Variants in TENM3 observed in about 807,000 individuals in gnomAD.
TENM3 encodes the protein teneurin transmembrane protein 3.
TENM3 carries 63 observed loss-of-function variants against 255.1 expected under a neutral mutation model. That is an observed-to-expected ratio of 0.25 (90% CI 0.20 to 0.30). The LOEUF is 0.30. Among genes scored for constraint, TENM3 ranks in the 10% least tolerant of loss-of-function variants. The probability of loss-of-function intolerance (pLI) is 1.00; values close to 1 mark genes in which losing one functional copy is unlikely to be tolerated. For synonymous variants in TENM3, 1,306 were observed against 1,322.3 expected (o/e 0.99, Z 0.27); for missense variants, 2,929 against 3,461.1 (o/e 0.85, Z 3.86).
chr4:182,102,012 G>A, the TENM3 span, among the ~76,000 whole-genome samples: 1 of 152,162 alleles, frequency 6.6e-6, no homozygotes, highest in African/African-American at 2.4e-5. Flanking sequence ...TCAGAGAGCC[G>A]GGGCTGAGGC....
chr4:182,644,151 A>G (rs1018610544), intron 5 of TENM3, among the ~76,000 whole-genome samples: 2 of 152,160 alleles, frequency 1.3e-5, no homozygotes, highest in Non-Finnish European at 2.9e-5. Context: ...TCCCTTCACA[A>G]CATCCCCTGT....
At chr4:181,634,413 T>A in the TENM3 span, among the ~76,000 whole-genome samples, 1 of 149,896 alleles carries the variant, frequency 6.7e-6, no homozygotes, top group East Asian at 2.0e-4. Context: ...TGCAAGAGAC[T>A]TTATTTCCTT....
chr4:182,642,245 A>G (rs1752382664), intron 5 of TENM3, among the ~76,000 whole-genome samples: 2 of 152,172 alleles, frequency 1.3e-5, no homozygotes, highest in African/African-American at 4.8e-5. Flanking sequence ...CCTTTAAGCA[A>G]GAGAAAACTA....
At chr4:181,627,340 T>C in the TENM3 span, among the ~76,000 whole-genome samples, 1 of 152,178 alleles carries the variant, frequency 6.6e-6, no homozygotes, top group African/African-American at 2.4e-5. Flanking sequence ...ACACATTTCT[T>C]TTTATTTTTA....
At chr4:182,748,481 G>A (rs1315584358) in intron 19 of TENM3, among the ~76,000 whole-genome samples, 1 of 152,094 alleles carries the variant, frequency 6.6e-6, no homozygotes, top group Non-Finnish European at 1.5e-5. Context: ...CAGTGCTTTG[G>A]CTTTTCAGAA....
chr4:181,833,474 G>A, the TENM3 span, among the ~76,000 whole-genome samples: 2 of 152,112 alleles, frequency 1.3e-5, no homozygotes, highest in South Asian at 2.1e-4. Flanking sequence ...GGAGCATGTC[G>A]CTGCCATGCT....
the TENM3 span, among the ~76,000 whole-genome samples, chr4:182,115,531 G>C: frequency 6.6e-6 from 1 of 152,142 alleles, no homozygotes; most frequent in Non-Finnish European, 1.5e-5. Context: ...TGAGAAGTAG[G>C]CTTTTCCCAA....
intron 3 of TENM3, among the ~76,000 whole-genome samples, chr4:182,567,363 C>T (rs903678269): frequency 1.4e-4 from 22 of 152,260 alleles, no homozygotes; most frequent in African/African-American, 5.3e-4. Flanking sequence ...TCCCTCCCGT[C>T]CCATGCCCAC....
intron 7 of TENM3, among the ~76,000 whole-genome samples, chr4:182,675,665 C>T (rs1324637197): frequency 6.6e-6 from 1 of 152,106 alleles, no homozygotes; most frequent in Admixed American, 6.5e-5. Flanking sequence ...CCCACTGAAA[C>T]CGCATATGTG....
At chr4:181,778,227 C>T in the TENM3 span, among the ~76,000 whole-genome samples, 2 of 151,692 alleles carry the variant, frequency 1.3e-5, no homozygotes, top group Non-Finnish European at 2.9e-5. Context: ...AGTACCTCCG[C>T]AGCAAAAAAA....
At chr4:182,767,985 A>C (rs1763866625) in intron 22 of TENM3, among the ~76,000 whole-genome samples, 1 of 152,124 alleles carries the variant, frequency 6.6e-6, no homozygotes, top group Non-Finnish European at 1.5e-5. Context: ...AAAATGACAG[A>C]GGTGTGGGGA....
chr4:182,069,686 A>AAC, the TENM3 span, among the ~76,000 whole-genome samples: 634 of 149,550 alleles, frequency 4.2e-3, 1 homozygote, highest in African/African-American at 0.013. Context: ...TAGATGCATA[A>AAC]ACACACACAC....
the TENM3 span, among the ~76,000 whole-genome samples, chr4:182,048,198 A>C: frequency 2.6e-5 from 4 of 152,324 alleles, no homozygotes; most frequent in Admixed American, 2.0e-4. Context: ...CAGAGTTCAC[A>C]TGATGATGGA....
At chr4:182,534,256 G>T (rs1359325191) in intron 3 of TENM3, among the ~76,000 whole-genome samples, 1 of 152,096 alleles carries the variant, frequency 6.6e-6, no homozygotes, top group Non-Finnish European at 1.5e-5. Context: ...AAGGAGTCAG[G>T]GTTATTTACC....
At chr4:182,355,849 T>C (rs1195732312) in intron 3 of TENM3, among the ~76,000 whole-genome samples, 1 of 151,498 alleles carries the variant, frequency 6.6e-6, no homozygotes, top group Non-Finnish European at 1.5e-5. Flanking sequence ...TGAGAAGACA[T>C]AGTGTTTGAT....
chr4:182,029,843 A>T, the TENM3 span, among the ~76,000 whole-genome samples: 1 of 151,850 alleles, frequency 6.6e-6, no homozygotes, highest in African/African-American at 2.4e-5. Flanking sequence ...CTTCAGATAT[A>T]AGTAGTAGAA....
intron 3 of TENM3, chr4:182,548,568 T>G (rs1741688000): frequency 1.3e-5 from 2 of 152,214 alleles, no homozygotes; most frequent in Non-Finnish European, 2.9e-5. Flanking sequence ...AGTCACCTGA[T>G]GTAGATGTTC....
the TENM3 span, among the ~76,000 whole-genome samples, chr4:182,036,475 A>G: frequency 4.6e-5 from 7 of 151,892 alleles, no homozygotes; most frequent in Non-Finnish European, 8.8e-5. Flanking sequence ...ACAGGCGTGA[A>G]CCACCGCACC....
At chr4:181,890,572 T>A in the TENM3 span, among the ~76,000 whole-genome samples, 18 of 152,240 alleles carry the variant, frequency 1.2e-4, no homozygotes, top group East Asian at 5.8e-4. Flanking sequence ...TTTAAAAAAA[T>A]TTTTGCACTT....
Sources: allele counts gnomAD v4.1 joint callset (sites outside exome capture counted in the v4.1 genomes callset), GRCh38; gene constraint gnomAD v4.1.1; transcripts MANE v1.5; gene names NCBI Gene and HGNC (gene_info 2026-07-23, HGNC 2026-07-21).